Variants in TAF3 observed in about 807,000 individuals in gnomAD.
The protein encoded by TAF3 is TATA-box binding protein associated factor 3.
TAF3 carries 7 observed loss-of-function variants against 80.6 expected under a neutral mutation model. The observed-to-expected ratio is 0.09, with a 90% confidence interval of 0.05 to 0.16. The LOEUF (loss-of-function observed/expected upper bound fraction) is 0.16, where lower values mean the gene tolerates loss of function less well. TAF3 is among the 10% of genes least tolerant of loss of function. The probability of loss-of-function intolerance (pLI) is 1.00; values close to 1 mark genes in which losing one functional copy is unlikely to be tolerated. For missense variants in TAF3, 921 were observed against 1,140.2 expected (o/e 0.81, Z 2.77); for synonymous variants, 444 against 446.1 (o/e 1.00, Z 0.06).
intron 2 of TAF3, among the ~76,000 whole-genome samples, chr10:7,870,665 G>A (rs1837256638): frequency 1.3e-5 from 2 of 152,068 alleles, no homozygotes; most frequent in Admixed American, 6.6e-5. Flanking sequence ...CTTAACGAGC[G>A]GCAGAACTCG....
intron 4 of TAF3, among the ~76,000 whole-genome samples, chr10:7,983,315 C>T (rs1361743874): frequency 2.0e-5 from 3 of 152,192 alleles, no homozygotes; most frequent in Non-Finnish European, 4.4e-5. Flanking sequence ...GGGCTCACAC[C>T]AGAATAAGGG....
intron 2 of TAF3, among the ~76,000 whole-genome samples, chr10:7,885,109 A>G (rs1349134952): frequency 6.6e-6 from 1 of 152,042 alleles, no homozygotes; most frequent in Non-Finnish European, 1.5e-5. Flanking sequence ...CTTAGTGGCT[A>G]CAGAGTGTCT....
intron 2 of TAF3, among the ~76,000 whole-genome samples, chr10:7,961,652 T>A (rs140333033): frequency 1.7e-3 from 256 of 152,338 alleles, no homozygotes; most frequent in African/African-American, 5.8e-3. Flanking sequence ...TCAACAACAC[T>A]CTTTCTCTCA....
intron 4 of TAF3, among the ~76,000 whole-genome samples, chr10:7,998,319 T>C (rs1831910699): frequency 6.7e-6 from 1 of 148,964 alleles, no homozygotes; most frequent in Admixed American, 6.7e-5. Context: ...GAACTGGGAA[T>C]GTTAGGCATT....
chr10:7,870,449 T>C (rs1588532804), intron 2 of TAF3, among the ~76,000 whole-genome samples: 1 of 152,226 alleles, frequency 6.6e-6, no homozygotes, highest in African/African-American at 2.4e-5. Flanking sequence ...TAGAATATAA[T>C]TTATTTACGT....
At chr10:7,937,169 A>G (rs571479929) in intron 2 of TAF3, among the ~76,000 whole-genome samples, 40 of 152,336 alleles carry the variant, frequency 2.6e-4, no homozygotes, top group African/African-American at 7.7e-4. Flanking sequence ...TTGTGGGGAC[A>G]TAAGTTTTCA....
At chr10:7,828,945 A>C (rs1056993887) in intron 2 of TAF3, among the ~76,000 whole-genome samples, 1 of 142,882 alleles carries the variant, frequency 7.0e-6, no homozygotes, top group South Asian at 2.2e-4. Context: ...TGGGAGAATC[A>C]CTTGAATCCG....
intron 2 of TAF3, among the ~76,000 whole-genome samples, chr10:7,926,524 CT>C (rs1314856647): frequency 6.6e-6 from 1 of 152,116 alleles, no homozygotes; most frequent in Non-Finnish European, 1.5e-5. Flanking sequence ...TCTTATAAGA[CT>C]TTATGAGATT....
At chr10:7,882,643 T>C (rs888082125) in intron 2 of TAF3, among the ~76,000 whole-genome samples, 1 of 152,030 alleles carries the variant, frequency 6.6e-6, no homozygotes, top group Non-Finnish European at 1.5e-5. Flanking sequence ...CAACAGTCAG[T>C]GTCTAAAGGT....
At chr10:7,927,076 A>T (rs996801982) in intron 2 of TAF3, among the ~76,000 whole-genome samples, 5 of 152,214 alleles carry the variant, frequency 3.3e-5, no homozygotes, top group African/African-American at 1.2e-4. Flanking sequence ...GACTTATCAA[A>T]TGATAAAGAA....
intron 4 of TAF3, among the ~76,000 whole-genome samples, chr10:8,006,774 C>T (rs986232369): frequency 7.2e-5 from 11 of 152,158 alleles, no homozygotes; most frequent in Non-Finnish European, 1.5e-4. Context: ...GAAGTGGAAC[C>T]GTGAAGGCTG....
At chr10:7,958,873 G>C (rs1011159905) in intron 2 of TAF3, among the ~76,000 whole-genome samples, 1 of 152,070 alleles carries the variant, frequency 6.6e-6, no homozygotes, top group African/African-American at 2.4e-5. Context: ...GGTGGCTCAC[G>C]CCTGTAATCC....
At chr10:7,984,954 A>G (rs1364610893) in intron 4 of TAF3, among the ~76,000 whole-genome samples, 3 of 152,248 alleles carry the variant, frequency 2.0e-5, no homozygotes, top group African/African-American at 4.8e-5. Context: ...TTTATTACCA[A>G]GAACATGGAA....
rs1465855249 is a variant in TAF3 at position 7,818,694 on chromosome 10, G to A, written c.-16G>A. On this transcript the variant is annotated 5_prime_UTR_variant, in exon 1 of 7. Transcript: ENST00000344293. The stretch of plus-strand genomic sequence containing the variant: ...AGCAGTGGCAGCAAGGGCTGCGGTG[G>A]CGTCCACGCAGCGGGATGTGCGAGA... The A allele has an allele frequency of 3.7e-6, 6 of 1,602,136 alleles. No homozygotes were observed. In the South Asian group the frequency reaches 5.5e-5, roughly 15 times the overall value.
At chr10:8,002,463 A>G (rs1178915759) in intron 4 of TAF3, among the ~76,000 whole-genome samples, 3 of 152,216 alleles carry the variant, frequency 2.0e-5, no homozygotes, top group African/African-American at 7.2e-5. Context: ...GAATTCTAAC[A>G]CATTTTATTT....
In TAF3 at chr10:7,975,470, A is replaced by G. The variant is rs111953923; in HGVS notation, c.2233-1771A>G. Among the ~76,000 whole-genome samples, 1,365 of 152,316 alleles carry G rather than the reference A, an allele frequency of 9.0e-3. 18 individuals are homozygous for G. Among genetic ancestry groups the G allele is most frequent in the African/African-American group, 0.03 (1,227 of 41,562 alleles). On this transcript the variant is annotated intron_variant, in intron 3 of 6. Transcript: ENST00000344293. ...CTGCCCTTAGCTGGGTTAGCTGGTAAACAGCTAGTATTGGAGGCATACATG... is the reference window on the plus strand; with the variant it reads ...CTGCCCTTAGCTGGGTTAGCTGGTAGACAGCTAGTATTGGAGGCATACATG...
At chr10:7,970,086 A>G (rs1831608035) in intron 3 of TAF3, among the ~76,000 whole-genome samples, 1 of 152,258 alleles carries the variant, frequency 6.6e-6, no homozygotes, top group Non-Finnish European at 1.5e-5. Flanking sequence ...TAATTAAGAT[A>G]AGTAGAGGAC....
At chr10:7,960,195 T>C (rs1416024335) in intron 2 of TAF3, among the ~76,000 whole-genome samples, 1 of 152,234 alleles carries the variant, frequency 6.6e-6, no homozygotes, top group Non-Finnish European at 1.5e-5. Flanking sequence ...AATAAGTGAA[T>C]GTTCATTCAC....
intron 2 of TAF3, among the ~76,000 whole-genome samples, chr10:7,859,053 G>A (rs937595528): frequency 1.3e-5 from 2 of 152,036 alleles, no homozygotes; most frequent in African/African-American, 4.8e-5. Context: ...ACGAGGTCAG[G>A]AGATCGAGAC....
Sources: allele counts gnomAD v4.1 joint callset (sites outside exome capture counted in the v4.1 genomes callset), GRCh38; gene constraint gnomAD v4.1.1; transcripts MANE v1.5; gene names NCBI Gene and HGNC (gene_info 2026-07-23, HGNC 2026-07-21).